TNFRSF4: variants seen among roughly 807,000 people sequenced by gnomAD.
The protein encoded by TNFRSF4 is TNF receptor superfamily member 4, also known as tumor necrosis factor receptor superfamily member 4.
TNFRSF4 carries 21 observed loss-of-function variants against 29.5 expected under a neutral mutation model. The observed-to-expected ratio is 0.71, with a 90% CI of 0.51 to 1.03. The LOEUF (loss-of-function observed/expected upper bound fraction) is 1.03. TNFRSF4 is among the 50% of genes least tolerant of loss of function. The pLI is 0.00. For synonymous variants in TNFRSF4, 197 were observed against 172.7 expected (o/e 1.14, Z -1.10); for missense variants, 408 against 387.8 (o/e 1.05, Z -0.44).
chr1:1,213,186 A>T (rs1649266957), intron 2 of TNFRSF4, 93 bp from the exon 3 acceptor site: 1 of 1,537,876 alleles, frequency 6.5e-7, no homozygotes. Context: ...TGGCCTCCCC[A>T]CCACACAGAG....
In TNFRSF4 at chr1:1,213,805, C is replaced by T; in HGVS notation, c.146-20G>A. 4 of 1,583,770 alleles carry T rather than the reference C, an allele frequency of 2.5e-6. No homozygotes were observed. The highest frequency in any genetic ancestry group is 3.4e-6 in the Non-Finnish European group (4 of 1,168,056). On this transcript the variant is annotated intron_variant, in intron 1 of 6. Transcript: ENST00000379236. ...CGTTGCCTGCAGCAGAGGCCGGCGTCAGGCAGCGGTCAGGCCCCAGGCTTG... is the reference window on the plus strand; with the variant it reads ...CGTTGCCTGCAGCAGAGGCCGGCGTTAGGCAGCGGTCAGGCCCCAGGCTTG...
chr1:1,214,086 C>T lies in TNFRSF4; in HGVS notation c.42G>A (p.Ala14=), dbSNP rs556058356. Residue 14 remains alanine, a synonymous_variant, in exon 1 of 7, where the codon GCG becomes GCA. Coordinates refer to ENST00000379236, the MANE Select transcript of TNFRSF4 (RefSeq NM_003327.4). The surrounding 1 kb of genome is among the most constrained non-coding windows in gnomAD (Gnocchi z 4.2). The stretch of plus-strand genomic sequence containing the variant: ...GCCCCAGGCCCAGGAGGAGCAGAGC[C>T]GCACACGGCCCGCGGCCCAGCCGCC... ...GARRLGRGPC[A]ALLLLGLGLS... is the part of the protein sequence containing the mutation. 413 of 1,589,602 alleles carry T rather than the reference C, an allele frequency of 2.6e-4. 3 individuals are homozygous for T. The South Asian group carries it at 4.2e-3, about 16-fold the overall frequency.
Position 1,211,841 on chromosome 1 carries a change from A to G in TNFRSF4, c.635-9T>C. On this transcript the variant is annotated splice_polypyrimidine_tract_variant and intron_variant, in intron 5 of 6. Transcript: ENST00000379236. The stretch of plus-strand genomic sequence containing the variant: ...GGCGGCAACCGCACGGCCTGCAGGA[A>G]GGGGTCTGCTGGGTGGGGTCCACAG... 2 of 1,541,194 alleles carry G rather than the reference A, an allele frequency of 1.3e-6. No homozygotes were observed. The highest frequency in any genetic ancestry group is 1.7e-6 in the Non-Finnish European group (2 of 1,148,130).
Position 1,212,059 on chromosome 1 carries a change from C to T in TNFRSF4, c.517G>A (p.Ala173Thr). The T allele has an allele frequency of 6.2e-7, 1 of 1,612,040 alleles. No homozygotes were observed. The highest frequency in any genetic ancestry group is 8.5e-7 in the Non-Finnish European group (1 of 1,179,472). ...DAICEDRDPPATQPQETQGPP... is the reference protein window; with the variant it reads ...DAICEDRDPPTTQPQETQGPP... ...CCCTGGGTCTCCTGGGGCTGCGTGG[C>T]TGGGGGGTCCCTGTCCTCACAGATT... The change falls in exon 5 of 7, where the codon GCC becomes ACC. Residue 173 changes from alanine (A) to threonine (T), a missense_variant. Ala to Thr is a moderately conservative substitution (Grantham distance 58). Coordinates refer to ENST00000379236, the MANE Select transcript of TNFRSF4 (RefSeq NM_003327.4).
At chr1:1,212,604 C>G in intron 4 of TNFRSF4, 34 bp downstream of exon 4, 3 of 1,408,396 alleles carry the variant, frequency 2.1e-6, no homozygotes, top group Non-Finnish European at 2.9e-6. Context: ...CAACCCCCCC[C>G]CAGCCCCTCC....
chr1:1,212,179 CT>C (rs1649169362), intron 4 of TNFRSF4, 41 bp from the exon 5 acceptor site: 1 of 1,607,256 alleles, frequency 6.2e-7, no homozygotes, highest in South Asian at 1.1e-5. Context: ...CAGAAACCCC[CT>C]GGGACCCGGG....
chr1:1,212,209 A>G (rs1056556237), intron 4 of TNFRSF4, 71 bp from the exon 5 acceptor site: 2 of 1,541,980 alleles, frequency 1.3e-6, no homozygotes, highest in East Asian at 4.6e-5. Context: ...TGGGGATAAC[A>G]GGGTCCACGC....
Position 1,213,048 on chromosome 1 carries a change from G to A in TNFRSF4, c.314C>T (p.Thr105Ile), listed in dbSNP as rs749636810. ...GGTGCCCGCCCGGCAGCGGCAGACT[G>A]TGTCCTGTGTGGCCGTGCACAGCTG... is the stretch of plus-strand genomic sequence containing the variant. Reference protein sequence around the residue: ...RKQLCTATQDTVCRCRAGTQP... With the variant: ...RKQLCTATQDIVCRCRAGTQP... Residue 105 changes from threonine to isoleucine, a missense_variant, in exon 3 of 7, where the codon ACA (threonine) becomes ATA (isoleucine). Coordinates refer to ENST00000379236, the MANE Select transcript of TNFRSF4 (RefSeq NM_003327.4). 4 of 1,611,476 alleles carry A rather than the reference G, an allele frequency of 2.5e-6. No individual in the cohort carries two copies. Among genetic ancestry groups the A allele is most frequent in the Non-Finnish European group, 3.4e-6 (4 of 1,179,542 alleles).
At chr1:1,213,873 C>A in intron 1 of TNFRSF4, 88 bp from the exon 2 acceptor site, 1 of 1,470,186 alleles carries the variant, frequency 6.8e-7, no homozygotes, top group Non-Finnish European at 9.0e-7. Flanking sequence ...CAGGCTTGGC[C>A]GGCCCCTCAC....
chr1:1,211,383 G>T lies in TNFRSF4; in HGVS notation c.*172C>A. On this transcript the variant is annotated 3_prime_UTR_variant, in exon 7 of 7. Coordinates refer to ENST00000379236, the MANE Select transcript of TNFRSF4 (RefSeq NM_003327.4). ...TTATTGTGGTCCCGCGGGGCAGGAG[G>T]TATGCATGGCATACGTAAGCAGAGA... The T allele has an allele frequency of 1.8e-6, 1 of 553,618 alleles. No homozygotes were observed. The highest frequency in any genetic ancestry group is 3.4e-5 in the East Asian group (1 of 29,144). 34.3% of individuals were successfully genotyped at this position (553,618 alleles called of 1,614,324 possible).
At chr1:1,211,897 C>T in intron 5 of TNFRSF4, 45 bp downstream of exon 5, 1 of 1,508,818 alleles carries the variant, frequency 6.6e-7, no homozygotes, top group African/African-American at 1.4e-5. Flanking sequence ...TCCCCTTCTC[C>T]TATTCGGGTT....
intron 3 of TNFRSF4, 61 bp from the exon 4 acceptor site, chr1:1,212,765 G>GC: frequency 7.1e-7 from 1 of 1,414,352 alleles, no homozygotes; most frequent in South Asian, 1.4e-5. Context: ...GGGACATGGG[G>GC]CAGAGCCTGT....
At position 1,213,653 on chromosome 1, in the gene TNFRSF4, G is replaced by A; in HGVS notation, c.268+10C>T. 1 of 1,582,462 alleles carries A rather than the reference G, an allele frequency of 6.3e-7. No individual in the cohort carries two copies. Among genetic ancestry groups the A allele is most frequent in the South Asian group, 1.1e-5 (1 of 86,960 alleles). On this transcript the variant is annotated intron_variant, in intron 2 of 6. Transcript: ENST00000379236. ...GCTGGGTGGGGCTGTGGGGCCAGGT[G>A]GGAGCTCACTGAGGTTACACCACGT...
chr1:1,212,538 C>CCCCCA, intron 4 of TNFRSF4, 100 bp downstream of exon 4: 1 of 415,634 alleles, frequency 2.4e-6, no homozygotes, highest in Non-Finnish European at 4.3e-6. Flanking sequence ...GCCCCCACCC[C>CCCCCA]ACCTGCCCCC....
intron 2 of TNFRSF4, chr1:1,213,344 C>T (rs781328021): frequency 5.9e-6 from 9 of 1,529,884 alleles, no homozygotes; most frequent in East Asian, 2.5e-5. Context: ...CGCCTCCAGC[C>T]GCCAGCCCCG....
intron 5 of TNFRSF4, 51 bp from the exon 6 acceptor site, chr1:1,211,883 G>C (rs372923867): frequency 6.6e-7 from 1 of 1,508,080 alleles, no homozygotes; most frequent in Non-Finnish European, 8.8e-7. Context: ...CCCCCATGCC[G>C]CCCTCCCCTT....
In TNFRSF4 at chr1:1,211,720, A is replaced by G. The variant is rs1649119802; in HGVS notation, c.747T>C (p.Asp249=). ...LLRRDQRLPP[D]AHKPPGGGSF... Reference sequence around the variant, plus strand: ...GGCACTCACCAGGGGGCTTGTGGGCATCGGGGGGCAGCCTCTGGTCCCTCC... The same window carrying G: ...GGCACTCACCAGGGGGCTTGTGGGCGTCGGGGGGCAGCCTCTGGTCCCTCC... Residue 249 remains aspartate (D), a synonymous_variant, in exon 6 of 7, where the codon GAT becomes GAC. Transcript: ENST00000379236. 1 of 1,586,842 alleles carries G rather than the reference A, an allele frequency of 6.3e-7. No homozygotes were observed. The highest frequency in any genetic ancestry group is 2.3e-5 in the East Asian group (1 of 43,952).
chr1:1,212,892 A>T, intron 3 of TNFRSF4, 100 bp downstream of exon 3: 1 of 1,345,940 alleles, frequency 7.4e-7, no homozygotes. Context: ...ATGCCAGAGG[A>T]GGCACCGGTG....
Position 1,213,744 on chromosome 1 carries a change from C to A in TNFRSF4, c.187G>T (p.Val63Leu). ...AAGCCCGGCCCGCACGGACGGCACA[C>A]CGTGTTCTGGGAGCGGCTGCAGCGG... is the stretch of plus-strand genomic sequence containing the variant. ...VSRCSRSQNT[V>L]CRPCGPGFYN... The change falls in exon 2 of 7, where the codon GTG becomes TTG. Residue 63 changes from valine (V) to leucine (L), a missense_variant. Coordinates refer to ENST00000379236, the MANE Select transcript of TNFRSF4 (RefSeq NM_003327.4). The A allele has an allele frequency of 6.2e-7, 1 of 1,603,720 alleles. No homozygotes were observed. Among genetic ancestry groups the A allele is most frequent in the South Asian group, 1.1e-5 (1 of 89,198 alleles).
Sources: allele counts gnomAD v4.1 joint callset, GRCh38; gene constraint gnomAD v4.1.1; non-coding constraint Gnocchi (gnomAD v3.1); transcripts MANE v1.5; gene names NCBI Gene and HGNC (gene_info 2026-07-23, HGNC 2026-07-21).